ZEB2: variants seen among roughly 807,000 people sequenced by gnomAD.
ZEB2 encodes the protein zinc finger E-box-binding homeobox 2.
In ZEB2, 6 loss-of-function variants were observed where a neutral mutation model predicts 99.9. The observed-to-expected ratio is 0.06, with a 90% CI of 0.03 to 0.12. The LOEUF is 0.12. Among genes scored for constraint, ZEB2 ranks in the 10% least tolerant of loss-of-function variants. ZEB2 has a pLI of 1.00. For synonymous variants in ZEB2, 517 were observed against 542.5 expected (o/e 0.95, Z 0.65); for missense variants, 969 against 1,502.8 (o/e 0.64, Z 5.87).
chr2:144,408,194 G>C (rs879939395), intron 4 of ZEB2, among the ~76,000 whole-genome samples: 1 of 152,152 alleles, frequency 6.6e-6, no homozygotes, highest in Non-Finnish European at 1.5e-5. Context: ...TGTATCCTGG[G>C]CATTGAATAT....
At chr2:144,460,994 T>C (rs1704185430) in intron 2 of ZEB2, 1 of 152,146 alleles carries the variant, frequency 6.6e-6, no homozygotes. Flanking sequence ...GACTAATTTT[T>C]CTTGGAAATA....
At chr2:144,454,059 A>C (rs748749663) in intron 2 of ZEB2, among the ~76,000 whole-genome samples, 1 of 152,220 alleles carries the variant, frequency 6.6e-6, no homozygotes, top group Admixed American at 6.5e-5. Flanking sequence ...AATTACCACA[A>C]ATCTCTGTTG....
At chr2:144,429,645 C>T in intron 3 of ZEB2, 124 bp downstream of exon 3, 4 of 1,485,564 alleles carry the variant, frequency 2.7e-6, no homozygotes, top group Middle Eastern at 1.8e-4. Flanking sequence ...TATCTCTATT[C>T]TGCAAGGGCT....
chr2:144,468,154 C>T (rs1011188241), intron 2 of ZEB2, among the ~76,000 whole-genome samples: 4 of 151,804 alleles, frequency 2.6e-5, no homozygotes, highest in Admixed American at 6.6e-5. Context: ...AAGAGCCTGC[C>T]GGGAGAGAAA....
chr2:144,391,626 G>T (rs1560602991), intron 9 of ZEB2, among the ~76,000 whole-genome samples: 1 of 152,202 alleles, frequency 6.6e-6, no homozygotes, highest in Non-Finnish European at 1.5e-5. Flanking sequence ...TGGTAGGAAG[G>T]TAATTTAAGA....
At chr2:144,485,424 G>A (rs1177193240) in intron 2 of ZEB2, among the ~76,000 whole-genome samples, 1 of 152,092 alleles carries the variant, frequency 6.6e-6, no homozygotes, top group Non-Finnish European at 1.5e-5. Flanking sequence ...AAAATCTGCA[G>A]GGATTCTTTT....
At chr2:144,518,928 C>T (rs1016514082) in intron 1 of ZEB2, 2 of 152,160 alleles carry the variant, frequency 1.3e-5, no homozygotes, top group Non-Finnish European at 2.9e-5. Flanking sequence ...GTGCTGTAAA[C>T]TTTATCTTTG....
At chr2:144,472,314 C>T (rs1704369050) in intron 2 of ZEB2, among the ~76,000 whole-genome samples, 1 of 152,002 alleles carries the variant, frequency 6.6e-6, no homozygotes, top group Non-Finnish European at 1.5e-5. Flanking sequence ...TATTAGGTAT[C>T]TTCGATTAAC....
intron 7 of ZEB2, 59 bp downstream of exon 7, chr2:144,401,140 T>G: frequency 2.0e-6 from 3 of 1,489,106 alleles, no homozygotes; most frequent in Non-Finnish European, 2.8e-6. Flanking sequence ...AAACAATCTT[T>G]TAAAACTCCC....
rs958826287 is a variant in ZEB2, at chr2:144,399,343, T to C, written c.1844A>G (p.Gln615Arg). 1.2e-6 allele frequency: 2 copies of C among 1,614,158 alleles called. No homozygotes were observed. Among genetic ancestry groups the C allele is most frequent in the Non-Finnish European group, 1.7e-6 (2 of 1,180,016 alleles). ...GTTGGGGACTATGTTTTCATGAGGC[T>C]GCAGGACCGCCTTGATCTCTTCATT... ...KMNEEIKAVL[Q>R]PHENIVPNKA... The change falls in exon 8 of 10, where the codon CAG becomes CGG. Residue 615 changes from glutamine (Q) to arginine (R), a missense_variant. Physicochemically the swap from Gln to Arg is conservative, Grantham distance 43 (BLOSUM62 1). This residue lies in a region of ZEB2 where 346 missense variants were observed against 460.0 expected (regional missense o/e 0.75). Coordinates refer to ENST00000627532, the MANE Select transcript of ZEB2 (RefSeq NM_014795.4). This position sits in a 1 kb window ranked among gnomAD's most constrained non-coding sequence, Gnocchi z 5.6.
At chr2:144,517,003 G>C (rs1413438494) in intron 2 of ZEB2, among the ~76,000 whole-genome samples, 16 of 149,792 alleles carry the variant, frequency 1.1e-4, no homozygotes, top group Non-Finnish European at 1.8e-4. Flanking sequence ...GGGCTCGAGG[G>C]GGGCAGCGGG....
chr2:144,417,250 T>C (rs778424735), intron 4 of ZEB2, among the ~76,000 whole-genome samples: 2 of 152,182 alleles, frequency 1.3e-5, no homozygotes, highest in Non-Finnish European at 2.9e-5. Flanking sequence ...TCAACACCCC[T>C]AAAATTTTAT....
intron 4 of ZEB2, among the ~76,000 whole-genome samples, chr2:144,420,246 A>G (rs1703601983): frequency 6.6e-6 from 1 of 152,110 alleles, no homozygotes; most frequent in South Asian, 2.1e-4. Context: ...GATTATTACT[A>G]TTTTTGAGAT....
At chr2:144,403,109 A>G (rs1296442561) in intron 6 of ZEB2, among the ~76,000 whole-genome samples, 2 of 152,256 alleles carry the variant, frequency 1.3e-5, no homozygotes, top group African/African-American at 4.8e-5. Flanking sequence ...ATGCAAACAT[A>G]TCATAATATC....
intron 2 of ZEB2, among the ~76,000 whole-genome samples, chr2:144,459,954 C>T (rs1389560096): frequency 1.3e-5 from 2 of 152,278 alleles, no homozygotes; most frequent in East Asian, 3.9e-4. Context: ...ATGCAACATA[C>T]TGGGTCCCGT....
chr2:144,455,751 C>CTCTCTT (rs1279001806), intron 2 of ZEB2, among the ~76,000 whole-genome samples: 4 of 152,094 alleles, frequency 2.6e-5, no homozygotes, highest in Admixed American at 2.6e-4. Flanking sequence ...TCTCGTCTCT[C>CTCTCTT]TCTCTTTCTC....
chr2:144,513,371 C>T, intron 2 of ZEB2: 1 of 1,332,738 alleles, frequency 7.5e-7, no homozygotes, highest in Non-Finnish European at 9.8e-7. Context: ...AGACCAAAGG[C>T]ATTTGTAAAA....
chr2:144,498,230 G>A (rs763363864), intron 2 of ZEB2, among the ~76,000 whole-genome samples: 6 of 141,894 alleles, frequency 4.2e-5, no homozygotes, highest in East Asian at 4.0e-4. Context: ...CGAACCAAAC[G>A]TAAAGAGGTA....
chr2:144,479,683 T>G (rs79211686), intron 2 of ZEB2, among the ~76,000 whole-genome samples: 18,426 of 48,586 alleles, frequency 0.38, 2,810 homozygotes, highest in Middle Eastern at 0.48. Flanking sequence ...TACTTTTTTT[T>G]GGGGGGGGGG....
Sources: allele counts gnomAD v4.1 joint callset (sites outside exome capture counted in the v4.1 genomes callset), GRCh38; gene constraint gnomAD v4.1.1; regional missense constraint gnomAD v4.1.1; non-coding constraint Gnocchi (gnomAD v3.1); transcripts MANE v1.5; gene names NCBI Gene and HGNC (gene_info 2026-07-23, HGNC 2026-07-21).